Variants in VBP1 observed in about 807,000 individuals in gnomAD.
VBP1 encodes the protein VHL binding protein 1, also known as prefoldin subunit 3.
In VBP1, 4 loss-of-function variants were observed where a neutral mutation model predicts 15.5. That is an observed-to-expected ratio of 0.26 (90% CI 0.13 to 0.59). The LOEUF (loss-of-function observed/expected upper bound fraction) is 0.59, where lower values mean the gene tolerates loss of function less well. Among genes scored for constraint, VBP1 ranks in the 20% least tolerant of loss-of-function variants. The pLI is 0.90. For missense variants in VBP1, 108 were observed against 139.6 expected (o/e 0.77, Z 1.14); for synonymous variants, 61 against 52.1 (o/e 1.17, Z -0.74).
Position 155,239,063 on chromosome X carries a change from A to G in VBP1, c.*221A>G, listed in dbSNP as rs2074787328. The G allele has an allele frequency of 7.0e-6, 2 of 287,526 alleles. No individual in the cohort carries two copies. Among genetic ancestry groups the G allele is most frequent in the African/African-American group, 2.8e-5 (1 of 35,547 alleles). The allele number at this position is 287,526 out of a possible 1,213,427, so 23.7% of individuals were successfully genotyped here. On this transcript the variant is annotated 3_prime_UTR_variant, in exon 6 of 6. Coordinates refer to ENST00000286428, the MANE Select transcript of VBP1 (RefSeq NM_003372.7). ...CAGCAAAGCTAATGGTATTTTAATC[A>G]TTATTTTTGCCTGTCATAAGAAAAC...
chrX:155,235,197 A>G (rs1197642579), intron 4 of VBP1, among the ~76,000 whole-genome samples: 1 of 109,375 alleles, frequency 9.1e-6, no homozygotes, highest in Admixed American at 9.8e-5. Context: ...TGAAGGATTT[A>G]GAAATTTTTT....
At chrX:155,234,113 T>G (rs2074759726) in intron 4 of VBP1, among the ~76,000 whole-genome samples, 2 of 44,576 alleles carry the variant, frequency 4.5e-5, no homozygotes, top group Admixed American at 2.5e-4. Context: ...TCCTCTGTTT[T>G]TTTTTTTTTT....
chrX:155,217,530 C>T (rs1190322041), intron 1 of VBP1, among the ~76,000 whole-genome samples: 1 of 111,813 alleles, frequency 8.9e-6, no homozygotes, highest in Admixed American at 9.4e-5. Context: ...TTTTTACTAA[C>T]TACGTCTTAT....
At chrX:155,199,757 A>G (rs1485580676) in intron 1 of VBP1, among the ~76,000 whole-genome samples, 1 of 111,911 alleles carries the variant, frequency 8.9e-6, no homozygotes, top group African/African-American at 3.3e-5. Context: ...CACACATAAC[A>G]GTATCAACCT....
At chrX:155,235,223 G>GT (rs782277780) in intron 4 of VBP1, among the ~76,000 whole-genome samples, 31 of 106,416 alleles carry the variant, frequency 2.9e-4, no homozygotes, top group African/African-American at 8.9e-4. Context: ...CCCTGCTTTG[G>GT]TTTTTTTTTC....
chrX:155,229,002 A>G (rs190131846), intron 4 of VBP1, among the ~76,000 whole-genome samples: 2 of 111,876 alleles, frequency 1.8e-5, no homozygotes, highest in Non-Finnish European at 3.8e-5. Flanking sequence ...TGATTTACCT[A>G]TTTTGCTCTT....
At chrX:155,224,243 A>G (rs1309849579) in intron 2 of VBP1, among the ~76,000 whole-genome samples, 1 of 112,920 alleles carries the variant, frequency 8.9e-6, no homozygotes, top group African/African-American at 3.2e-5. Flanking sequence ...TGGGAGGCCA[A>G]GGCAGGCGGC....
chrX:155,238,886 C>T lies in VBP1; in HGVS notation c.*44C>T. ...TGGTTTAGTTTTCCAAACATGTTATCTTAAATACCCCTTTATCCTTACAGG... is the reference window on the plus strand; with the variant it reads ...TGGTTTAGTTTTCCAAACATGTTATTTTAAATACCCCTTTATCCTTACAGG... On this transcript the variant is annotated 3_prime_UTR_variant, in exon 6 of 6. Transcript: ENST00000286428. 9.7e-7 allele frequency: 1 copy of T among 1,035,836 alleles called. No homozygotes were observed. The highest frequency in any genetic ancestry group is 1.3e-6 in the Non-Finnish European group (1 of 754,324). The allele number at this position is 1,035,836 out of a possible 1,213,427, so 85.4% of individuals were successfully genotyped here.
intron 3 of VBP1, among the ~76,000 whole-genome samples, chrX:155,227,804 C>G (rs997346510): frequency 8.9e-6 from 1 of 112,110 alleles, no homozygotes; most frequent in African/African-American, 3.2e-5. Flanking sequence ...ATTTGAGAGT[C>G]TTCTAAGTCT....
intron 2 of VBP1, among the ~76,000 whole-genome samples, chrX:155,220,667 T>C (rs1263213452): frequency 3.6e-5 from 4 of 111,829 alleles, no homozygotes; most frequent in African/African-American, 1.3e-4. Context: ...AGTTATGAAA[T>C]CCCAAGATTT....
At chrX:155,201,552 T>G (rs1348342513) in intron 1 of VBP1, among the ~76,000 whole-genome samples, 1 of 81,582 alleles carries the variant, frequency 1.2e-5, no homozygotes, top group Non-Finnish European at 2.2e-5. Flanking sequence ...CTTTGACAAA[T>G]TCAACAACCC....
At chrX:155,236,512 A>G (rs1365651929) in intron 5 of VBP1, 145 bp downstream of exon 5, 5 of 590,185 alleles carry the variant, frequency 8.5e-6, no homozygotes, top group Non-Finnish European at 1.2e-5. Context: ...TGATAGGTGC[A>G]GCAAACCACC....
chrX:155,216,959 A>G (rs2074668165), intron 1 of VBP1, among the ~76,000 whole-genome samples: 1 of 112,213 alleles, frequency 8.9e-6, no homozygotes, highest in African/African-American at 3.2e-5. Flanking sequence ...ACACAGTACA[A>G]TGAATAGGCA....
At chrX:155,233,020 G>A (rs2074754565) in intron 4 of VBP1, among the ~76,000 whole-genome samples, 1 of 112,232 alleles carries the variant, frequency 8.9e-6, no homozygotes, top group Non-Finnish European at 1.9e-5. Context: ...GCTGCTACAC[G>A]CCAGCACTGC....
intron 4 of VBP1, among the ~76,000 whole-genome samples, chrX:155,231,789 T>C (rs1332671290): frequency 1.8e-5 from 2 of 112,627 alleles, no homozygotes; most frequent in Non-Finnish European, 3.7e-5. Flanking sequence ...TCCTTGGTTT[T>C]ATTGGCTTAC....
intron 3 of VBP1, 85 bp from the exon 4 acceptor site, chrX:155,228,299 G>C (rs1157876841): frequency 5.7e-5 from 41 of 723,667 alleles, no homozygotes; most frequent in Non-Finnish European, 8.1e-5. Flanking sequence ...AAATGTCCTA[G>C]GTTCAACTGT....
Position 155,199,366 on chromosome X carries a change from G to A in VBP1, c.-31+2227G>A, listed in dbSNP as rs2074592293. Among the ~76,000 whole-genome samples the A allele has an allele frequency of 1.1e-4, 12 of 110,822 alleles. No individual in the cohort carries two copies. The South Asian group carries it at 4.2e-3, about 39-fold the overall frequency. Reference sequence around the variant, plus strand: ...TTAAGGGCAGCCAGAGAGAAAGGTCGGGTTACCCTCAAAGGGAAGCCCATC... The same window carrying A: ...TTAAGGGCAGCCAGAGAGAAAGGTCAGGTTACCCTCAAAGGGAAGCCCATC... On this transcript the variant is annotated intron_variant, in intron 1 of 6. Coordinates refer to the VBP1 transcript ENST00000535916.
intron 1 of VBP1, among the ~76,000 whole-genome samples, chrX:155,205,030 A>G (rs1486922198): frequency 8.9e-6 from 1 of 112,136 alleles, no homozygotes; most frequent in Non-Finnish European, 1.9e-5. Context: ...TCTGATTCCA[A>G]CTTTCTTTTA....
At chrX:155,232,781 A>G (rs2074753405) in intron 4 of VBP1, among the ~76,000 whole-genome samples, 1 of 112,988 alleles carries the variant, frequency 8.9e-6, no homozygotes, top group African/African-American at 3.2e-5. Flanking sequence ...GAACATATGC[A>G]TTGCCTATGC....
Sources: allele counts gnomAD v4.1 joint callset (sites outside exome capture counted in the v4.1 genomes callset), GRCh38; gene constraint gnomAD v4.1.1; transcripts MANE v1.5; gene names NCBI Gene and HGNC (gene_info 2026-07-23, HGNC 2026-07-21).